CLYBL: variants seen among roughly 807,000 people sequenced by gnomAD.
The protein encoded by CLYBL is citramalyl-CoA lyase, also known as citramalyl-CoA lyase, mitochondrial.
In CLYBL, 31 loss-of-function variants were observed where a neutral mutation model predicts 38.9. That is an observed-to-expected ratio of 0.80 (90% CI 0.60 to 1.08). The LOEUF (loss-of-function observed/expected upper bound fraction) is 1.08, where lower values mean the gene tolerates loss of function less well. Ranked by LOEUF, CLYBL falls within the 50% of genes least tolerant of loss-of-function variation. The pLI is 0.00. For missense variants in CLYBL, 434 were observed against 411.6 expected (o/e 1.05, Z -0.47); for synonymous variants, 171 against 158.6 (o/e 1.08, Z -0.59).
At chr13:99,669,205 C>T (rs886627413) in intron 1 of CLYBL, among the ~76,000 whole-genome samples, 8 of 152,068 alleles carry the variant, frequency 5.3e-5, no homozygotes, top group African/African-American at 1.7e-4. Flanking sequence ...GATTTTACCA[C>T]GTTGACCAGG....
intron 2 of CLYBL, among the ~76,000 whole-genome samples, chr13:99,847,106 C>T (rs2051223599): frequency 6.6e-6 from 1 of 152,114 alleles, no homozygotes; most frequent in African/African-American, 2.4e-5. Flanking sequence ...GTGAACATCA[C>T]TCTAAACTGC....
rs568167669 is a variant in CLYBL at position 99,859,177 on chromosome 13, G to C, written c.438+128G>C. On this transcript the variant is annotated intron_variant, in intron 3 of 8. Transcript: ENST00000339105. ...CAGAGAGGAAGGGAATTGAGAAAAA[G>C]CAGTAAGCTCAAGTATCCGTTTCTT... is the stretch of plus-strand genomic sequence containing the variant. The C allele has an allele frequency of 2.3e-5, 15 of 659,290 alleles. No individual in the cohort carries two copies. The South Asian group carries it at 3.6e-4, about 16-fold the overall frequency. The allele number at this position is 659,290 out of a possible 1,614,324, so 40.8% of individuals were successfully genotyped here.
intron 2 of CLYBL, among the ~76,000 whole-genome samples, chr13:99,848,747 C>T (rs867317400): frequency 1.3e-5 from 2 of 152,236 alleles, no homozygotes; most frequent in East Asian, 3.8e-4. Flanking sequence ...AACTTTGCCC[C>T]TCTGAGGCTG....
chr13:99,629,056 G>T (rs1179719668), intron 1 of CLYBL, among the ~76,000 whole-genome samples: 1 of 152,226 alleles, frequency 6.6e-6, no homozygotes, highest in Admixed American at 6.5e-5. Context: ...GAATTCCACT[G>T]CTGGGGCAGG....
intron 2 of CLYBL, among the ~76,000 whole-genome samples, chr13:99,808,321 G>A (rs181881162): frequency 2.0e-4 from 30 of 152,194 alleles, no homozygotes; most frequent in African/African-American, 7.2e-4. Flanking sequence ...CCTGGGCTCA[G>A]GCGATCAGCC....
intron 1 of CLYBL, among the ~76,000 whole-genome samples, chr13:99,616,389 C>T (rs1386098446): frequency 6.6e-6 from 1 of 151,864 alleles, no homozygotes; most frequent in African/African-American, 2.4e-5. Context: ...ACTGTTGTTC[C>T]ACATGACTCT....
At chr13:99,722,953 C>T (rs192094778) in intron 1 of CLYBL, among the ~76,000 whole-genome samples, 4 of 152,348 alleles carry the variant, frequency 2.6e-5, no homozygotes, top group Admixed American at 2.0e-4. Flanking sequence ...GAGATATAGC[C>T]GCAGGCTCTT....
In CLYBL at chr13:99,741,719, C is replaced by T. The variant is rs562222435; in HGVS notation, c.63-31105C>T. On this transcript the variant is annotated intron_variant, in intron 1 of 8. Coordinates refer to ENST00000339105, the MANE Select transcript of CLYBL (RefSeq NM_206808.5). ...CTTGAACTCCTGACCTCAGGTGATC[C>T]ACCTGCCTTGGCCTCCCAAAGTGCT... 2.2e-4 allele frequency among the ~76,000 whole-genome samples: 34 copies of T among 152,278 alleles called. 1 individual carries two copies. The South Asian group carries it at 3.7e-3, about 17-fold the overall frequency.
chr13:99,828,954 C>T (rs975482133), intron 2 of CLYBL, among the ~76,000 whole-genome samples: 5 of 152,086 alleles, frequency 3.3e-5, no homozygotes, highest in African/African-American at 4.8e-5. Context: ...AGGGATTCCT[C>T]GTGACGGAAG....
chr13:99,854,863 G>A (rs2051421213), intron 2 of CLYBL, among the ~76,000 whole-genome samples: 1 of 152,186 alleles, frequency 6.6e-6, no homozygotes, highest in South Asian at 2.1e-4. Context: ...GGCCCAGACA[G>A]AGTCACCTAA....
intron 1 of CLYBL, among the ~76,000 whole-genome samples, chr13:99,701,069 C>T (rs769788347): frequency 1.3e-5 from 2 of 152,148 alleles, no homozygotes; most frequent in Non-Finnish European, 2.9e-5. Context: ...GTCACTTCAT[C>T]CCAGCATGGT....
At chr13:99,683,185 A>G (rs558020934) in intron 1 of CLYBL, among the ~76,000 whole-genome samples, 63 of 151,714 alleles carry the variant, frequency 4.2e-4, no homozygotes, top group Non-Finnish European at 1.6e-4. Flanking sequence ...ACGTTCAAGC[A>G]ATTCTCCTGC....
intron 1 of CLYBL, among the ~76,000 whole-genome samples, chr13:99,609,852 A>G (rs767188524): frequency 2.7e-4 from 41 of 151,876 alleles, no homozygotes; most frequent in East Asian, 5.8e-4. Context: ...TATACTTTCT[A>G]TCTCTTCATT....
chr13:99,754,416 C>CCAAAAAAAAAAAAA (rs1454742490), intron 1 of CLYBL, among the ~76,000 whole-genome samples: 1 of 71,886 alleles, frequency 1.4e-5, no homozygotes, highest in African/African-American at 5.7e-5. Context: ...GACCCTGTCT[C>CCAAAAAAAAAAAAA]AAAAAAAAAA....
At chr13:99,819,854 T>G (rs2050552290) in intron 2 of CLYBL, among the ~76,000 whole-genome samples, 1 of 152,062 alleles carries the variant, frequency 6.6e-6, no homozygotes, top group African/African-American at 2.4e-5. Flanking sequence ...TTTTACTTAG[T>G]CTATTGATTC....
intron 2 of CLYBL, among the ~76,000 whole-genome samples, chr13:99,821,945 T>G (rs2050596412): frequency 6.6e-6 from 1 of 152,230 alleles, no homozygotes; most frequent in Non-Finnish European, 1.5e-5. Context: ...CCACATGGCT[T>G]GGCCAGTGGA....
At chr13:99,694,493 C>G (rs1326981859) in intron 1 of CLYBL, among the ~76,000 whole-genome samples, 3 of 152,188 alleles carry the variant, frequency 2.0e-5, no homozygotes, top group Non-Finnish European at 1.5e-5. Flanking sequence ...TGGCACTTAC[C>G]CATCCATCAG....
intron 1 of CLYBL, among the ~76,000 whole-genome samples, chr13:99,613,028 A>T (rs58196149): frequency 5.2e-4 from 2 of 3,832 alleles, no homozygotes; most frequent in African/African-American, 1.0e-3. Flanking sequence ...TAGTGATGAT[A>T]ATAATAATAA....
intron 2 of CLYBL, among the ~76,000 whole-genome samples, chr13:99,778,168 T>A (rs569816291): frequency 6.6e-6 from 1 of 152,360 alleles, no homozygotes; most frequent in East Asian, 1.9e-4. Context: ...TTCAATTCAC[T>A]GGAAAGTCCA....
Sources: gnomAD v4.1 joint callset for allele counts (sites outside exome capture counted in the v4.1 genomes callset) on GRCh38, gnomAD v4.1.1 for gene constraint, MANE v1.5 for transcripts, NCBI Gene and HGNC (gene_info 2026-07-23, HGNC 2026-07-21) for gene names.